The following ZNF44 variants were observed in gnomAD, a reference collection of about 807,000 sequenced individuals.
ZNF44 encodes the protein gonadotropin inducible transcription repressor-2.
A neutral mutation model predicts 11.7 loss-of-function variants in ZNF44; 9 were observed. The ratio of observed to expected loss-of-function variants is 0.77; its 90% CI spans 0.46 to 1.35. ZNF44 has a LOEUF of 1.35. Ranked by LOEUF, ZNF44 falls within the 40% of genes most tolerant of loss-of-function variation. The pLI, the probability that ZNF44 is intolerant of heterozygous loss-of-function variation, is 0.00. For synonymous variants in ZNF44, 224 were observed against 242.7 expected (o/e 0.92, Z 0.72); for missense variants, 696 against 743.1 (o/e 0.94, Z 0.74).
At chr19:12,292,734 G>C (rs1356345222) in intron 1 of ZNF44, among the ~76,000 whole-genome samples, 2 of 151,828 alleles carry the variant, frequency 1.3e-5, no homozygotes, top group African/African-American at 2.4e-5. Context: ...AGAGAGTCCA[G>C]AAGGCAGAAA....
intron 1 of ZNF44, among the ~76,000 whole-genome samples, chr19:12,288,733 G>C (rs1967861449): frequency 7.2e-6 from 1 of 138,068 alleles, no homozygotes; most frequent in East Asian, 2.1e-4. Context: ...ACTCCAGCCT[G>C]GGACAAAGAG....
chr19:12,251,200 G>A (rs1916977683), intron 5 of ZNF44, among the ~76,000 whole-genome samples: 1 of 152,052 alleles, frequency 6.6e-6, no homozygotes. Flanking sequence ...GTGTGGTGGT[G>A]CATGCCTATA....
At chr19:12,293,375 C>T (rs1968099278) in intron 1 of ZNF44, 1 of 1,535,936 alleles carries the variant, frequency 6.5e-7, no homozygotes, top group Non-Finnish European at 8.7e-7. Flanking sequence ...TAACACAGGG[C>T]CTGGAAAAGA....
chr19:12,268,514 C>T (rs530079004), downstream of ZNF44, among the ~76,000 whole-genome samples: 1 of 152,244 alleles, frequency 6.6e-6, no homozygotes, highest in East Asian at 1.9e-4. Flanking sequence ...CATTTCATTC[C>T]ACATGATTGC....
chr19:12,259,650 GC>G (rs1391588220), intron 5 of ZNF44, among the ~76,000 whole-genome samples: 1 of 152,108 alleles, frequency 6.6e-6, no homozygotes, highest in African/African-American at 2.4e-5. Context: ...CCACCAGAGA[GC>G]CTGTGTCATC....
intron 1 of ZNF44, among the ~76,000 whole-genome samples, chr19:12,281,140 G>A (rs1251909834): frequency 2.0e-5 from 3 of 152,066 alleles, no homozygotes; most frequent in African/African-American, 7.2e-5. Context: ...TTCAACAACA[G>A]CATACATATT....
At chr19:12,271,182 A>G (rs1452059291), downstream of ZNF44, among the ~76,000 whole-genome samples, 1 of 152,216 alleles carries the variant, frequency 6.6e-6, no homozygotes, top group Non-Finnish European at 1.5e-5. Context: ...CAAGTGTTAA[A>G]GATAATCAAC....
At chr19:12,287,553 G>A (rs531754771) in intron 1 of ZNF44, among the ~76,000 whole-genome samples, 1 of 152,224 alleles carries the variant, frequency 6.6e-6, no homozygotes, top group Admixed American at 6.5e-5. Context: ...AATGAGAACA[G>A]GCAGTATTTG....
downstream of ZNF44, chr19:12,247,373 G>A (rs1916797433): frequency 1.5e-6 from 2 of 1,301,550 alleles, no homozygotes; most frequent in African/African-American, 1.5e-5. Flanking sequence ...TCTCTCCAGT[G>A]TGCATTCTCA....
At chr19:12,247,687 A>G (rs1916812339) in exon 8 of ZNF44, 4 of 1,353,716 alleles carry the variant, frequency 3.0e-6, no homozygotes, top group Non-Finnish European at 3.9e-6. Context: ...CATTCCTTAC[A>G]TTTGTAGGGT....
intron 1 of ZNF44, among the ~76,000 whole-genome samples, chr19:12,287,801 T>G (rs2145763071): frequency 6.6e-6 from 1 of 152,336 alleles, no homozygotes; most frequent in East Asian, 1.9e-4. Flanking sequence ...TGTAATGATT[T>G]CCACTCCTTT....
chr19:12,265,622 A>G (rs1184178081), intron 5 of ZNF44, among the ~76,000 whole-genome samples: 2 of 152,172 alleles, frequency 1.3e-5, no homozygotes, highest in Non-Finnish European at 2.9e-5. Context: ...AAAAATTTCC[A>G]AAGAGGATCC....
chr19:12,278,456 G>A (rs1378498558), intron 1 of ZNF44, among the ~76,000 whole-genome samples: 10 of 152,102 alleles, frequency 6.6e-5, no homozygotes, highest in African/African-American at 1.7e-4. Context: ...CTCTAGTGCC[G>A]CTGGGTTAGG....
At chr19:12,230,030 T>A (rs1916093156) in intron 3 of ZNF44, among the ~76,000 whole-genome samples, 2 of 152,182 alleles carry the variant, frequency 1.3e-5, no homozygotes, top group Admixed American at 1.3e-4. Context: ...CATTTGCTGT[T>A]CTTGGTTATA....
At chr19:12,259,100 C>T (rs1917390261) in intron 5 of ZNF44, among the ~76,000 whole-genome samples, 2 of 152,156 alleles carry the variant, frequency 1.3e-5, no homozygotes, top group African/African-American at 4.8e-5. Flanking sequence ...GTCTTGAACT[C>T]ATGGGCTCCA....
chr19:12,256,037 C>CAA lies in ZNF44; in HGVS notation c.1913-5671_1913-5670dup, dbSNP rs74180061. On this transcript the variant is annotated intron_variant and NMD_transcript_variant, in intron 5 of 7. Transcript: ENST00000393337. ...GGGCAACAAGAGCGAAACTCTGTCT[C>CAA]AAAAAAAAAAAAAAAAAAAAAAAAA... Among the ~76,000 whole-genome samples, 57 of 39,672 alleles carry CAA rather than the reference C, an allele frequency of 1.4e-3. 5 individuals carry two copies. The highest frequency in any genetic ancestry group is 2.1e-3 in the Non-Finnish European group (36 of 17,548). The allele number at this position is 39,672 out of a possible 152,430, so 26.0% of individuals were successfully genotyped here. A position where few individuals can be genotyped will look rare whatever the true frequency, so the allele number is the denominator to read the frequency against.
chr19:12,293,160 G>A lies in ZNF44; in HGVS notation c.3+1532C>T, dbSNP rs748328722. 3.4e-5 allele frequency: 50 copies of A among 1,478,724 alleles called. No individual in the cohort carries two copies. The South Asian group carries it at 4.6e-4, about 14-fold the overall frequency. 91.6% of individuals were successfully genotyped at this position (1,478,724 alleles called of 1,614,324 possible). On this transcript the variant is annotated intron_variant, in intron 1 of 3. Coordinates refer to ENST00000355684, the MANE Select transcript of ZNF44 (RefSeq NM_016264.4). ...GCTGGGATTACAGGCGTGAGCCACC[G>A]CGCCCAGCCCAGGGGTTAGCTTTTT...
intron 5 of ZNF44, among the ~76,000 whole-genome samples, chr19:12,262,357 G>A (rs908314156): frequency 2.6e-5 from 4 of 151,742 alleles, no homozygotes; most frequent in African/African-American, 7.3e-5. Context: ...TGCAACCTCC[G>A]TCTCCCAGGT....
In ZNF44 at chr19:12,260,526, A is replaced by G. The variant is rs937257243; in HGVS notation, c.1913-10158T>C. Reference sequence around the variant, plus strand: ...GAAGCGGAAGCGGACCCGCGCCACCAAGAGCTCCTGAGCCCCCTGCCCCCA... The same window carrying G: ...GAAGCGGAAGCGGACCCGCGCCACCGAGAGCTCCTGAGCCCCCTGCCCCCA... On this transcript the variant is annotated intron_variant and NMD_transcript_variant, in intron 5 of 7. Transcript: ENST00000393337. The G allele has an allele frequency of 3.8e-6, 4 of 1,042,402 alleles. No individual in the cohort carries two copies. In the African/African-American group the frequency reaches 4.8e-5, roughly 12 times the overall value. The allele number at this position is 1,042,402 out of a possible 1,614,324, so 64.6% of individuals were successfully genotyped here.
Sources: allele counts gnomAD v4.1 joint callset (sites outside exome capture counted in the v4.1 genomes callset), GRCh38; gene constraint gnomAD v4.1.1; transcripts MANE v1.5; gene names NCBI Gene and HGNC (gene_info 2026-07-23, HGNC 2026-07-21).